The following RBPJ variants were observed in gnomAD, a reference collection of about 807,000 sequenced individuals.
RBPJ encodes recombination signal binding protein for immunoglobulin kappa J region, also known as recombining binding protein suppressor of hairless.
A neutral mutation model predicts 67.8 loss-of-function variants in RBPJ; 9 were observed. The ratio of observed to expected loss-of-function variants is 0.13; its 90% CI spans 0.08 to 0.23. The LOEUF is 0.23. RBPJ is among the 10% of genes least tolerant of loss of function. The pLI is 1.00. For missense variants in RBPJ, 305 were observed against 595.6 expected, an observed-to-expected ratio of 0.51 and a Z score of 5.08; for synonymous variants, 198 against 203.3, an observed-to-expected ratio of 0.97 and a Z score of 0.22.
chr4:26,400,255 C>T (rs188336950), intron 2 of RBPJ, among the ~76,000 whole-genome samples: 1 of 152,262 alleles, frequency 6.6e-6, no homozygotes, highest in East Asian at 1.9e-4. Flanking sequence ...CATCTCACTC[C>T]ATCCTCTTTC....
the RBPJ span, among the ~76,000 whole-genome samples, chr4:26,141,074 C>T: frequency 9.9e-5 from 15 of 152,054 alleles, no homozygotes; most frequent in African/African-American, 3.1e-4. Context: ...TGACCCAGGG[C>T]AACTCCCTTT....
the RBPJ span, chr4:26,113,564 C>A: frequency 4.3e-6 from 2 of 468,398 alleles, no homozygotes; most frequent in African/African-American, 2.0e-5. Flanking sequence ...TCACGCAGGG[C>A]AGAAGCCCTA....
intron 1 of RBPJ, among the ~76,000 whole-genome samples, chr4:26,329,687 A>G (rs182649459): frequency 0.014 from 2,198 of 152,066 alleles, 38 homozygotes; most frequent in Middle Eastern, 0.051. Flanking sequence ...GAGGTCAGGA[A>G]ATCGAGACCA....
chr4:26,217,513 C>T (rs922242294), intron 1 of RBPJ, among the ~76,000 whole-genome samples: 21 of 152,140 alleles, frequency 1.4e-4, no homozygotes, highest in African/African-American at 5.1e-4. Context: ...TGCAAGCAGA[C>T]CCCGAAAGCC....
intron 1 of RBPJ, among the ~76,000 whole-genome samples, chr4:26,204,909 C>T (rs1718117059): frequency 6.6e-6 from 1 of 152,214 alleles, no homozygotes; most frequent in African/African-American, 2.4e-5. Context: ...GTCTCACCCC[C>T]TGCACTCATT....
chr4:26,398,081 T>A (rs540559863), intron 2 of RBPJ, among the ~76,000 whole-genome samples: 364 of 152,272 alleles, frequency 2.4e-3, no homozygotes, highest in Middle Eastern at 0.01. Context: ...TGTGTGTGTG[T>A]GTGTGTGTGT....
chr4:26,332,063 G>T (rs571770297), intron 1 of RBPJ, among the ~76,000 whole-genome samples: 6 of 152,274 alleles, frequency 3.9e-5, no homozygotes, highest in African/African-American at 1.2e-4. Flanking sequence ...TGTCATCCAT[G>T]CTTATCCACA....
intron 1 of RBPJ, among the ~76,000 whole-genome samples, chr4:26,375,579 A>G: frequency 6.6e-6 from 1 of 152,228 alleles, no homozygotes; most frequent in East Asian, 1.9e-4. Flanking sequence ...TTTAGGTGAA[A>G]TAGGCAAAAG....
intron 1 of RBPJ, among the ~76,000 whole-genome samples, chr4:26,284,776 T>C (rs1721405897): frequency 6.6e-6 from 1 of 152,108 alleles, no homozygotes; most frequent in Non-Finnish European, 1.5e-5. Context: ...CTGAACTCTT[T>C]TTAAAGTCTT....
intron 1 of RBPJ, among the ~76,000 whole-genome samples, chr4:26,383,608 G>A (rs972036422): frequency 6.6e-6 from 1 of 152,118 alleles, no homozygotes; most frequent in Admixed American, 6.5e-5. Context: ...ATCTAAAGAA[G>A]TATTTTAAAG....
At chr4:26,306,438 A>AATTATTACTATT (rs1722241104) in intron 1 of RBPJ, among the ~76,000 whole-genome samples, 1 of 147,164 alleles carries the variant, frequency 6.8e-6, no homozygotes, top group African/African-American at 2.5e-5. Flanking sequence ...TTATTTGGAG[A>AATTATTACTATT]ATTATTATTA....
rs768333246 is a variant in RBPJ, at chr4:26,430,471, C to T, written c.1097C>T (p.Thr366Ile). ...CTTGAACTTACAGGACAGAATTTCA[C>T]TCCAAATTTACGAGTGTGGTTTGGG... ...AMLELTGQNF[T>I]PNLRVWFGDV... The change falls in exon 10 of 11, where the codon ACT becomes ATT. Residue 366 changes from threonine (T) to isoleucine (I), a missense_variant. Physicochemically the swap from Thr to Ile is moderately conservative, Grantham distance 89. Transcript: ENST00000355476. The surrounding 1 kb of genome is among the most constrained non-coding windows in gnomAD (Gnocchi z 4.1). 4 of 1,608,172 alleles carry T rather than the reference C, an allele frequency of 2.5e-6. No homozygotes were observed. In the South Asian group the frequency reaches 3.4e-5, roughly 14 times the overall value.
At chr4:26,242,756 CTTGA>C (rs951467025) in intron 1 of RBPJ, among the ~76,000 whole-genome samples, 26 of 149,136 alleles carry the variant, frequency 1.7e-4, no homozygotes, top group African/African-American at 6.4e-4. Context: ...TAAGAGTCTC[CTTGA>C]TTGAAGTGGT....
At chr4:26,157,007 C>T in the RBPJ span, among the ~76,000 whole-genome samples, 127,373 of 150,144 alleles carry the variant, frequency 0.85, 54,930 homozygotes, top group East Asian at 0.96. Flanking sequence ...CCCAGGGAGA[C>T]TGAGGCTGTG....
chr4:26,391,388 AT>A (rs1055257494), intron 2 of RBPJ, among the ~76,000 whole-genome samples: 24 of 151,862 alleles, frequency 1.6e-4, no homozygotes, highest in Non-Finnish European at 3.1e-4. Flanking sequence ...ATTTAGCTAG[AT>A]TTTTTTTTAA....
At chr4:26,390,741 C>A (rs1201192075) in intron 2 of RBPJ, among the ~76,000 whole-genome samples, 1 of 152,186 alleles carries the variant, frequency 6.6e-6, no homozygotes, top group Non-Finnish European at 1.5e-5. Context: ...ATTAAATGTT[C>A]TTCAGGTAGA....
chr4:26,261,483 A>G (rs1006000233), intron 1 of RBPJ, among the ~76,000 whole-genome samples: 19 of 152,246 alleles, frequency 1.2e-4, no homozygotes, highest in Non-Finnish European at 2.4e-4. Context: ...AAGAGAACTG[A>G]GAAAAGTAAA....
the RBPJ span, among the ~76,000 whole-genome samples, chr4:26,111,534 T>C: frequency 6.6e-6 from 1 of 152,196 alleles, no homozygotes; most frequent in African/African-American, 2.4e-5. Flanking sequence ...TGGCTGGCTT[T>C]TGGGGCTTTG....
At chr4:26,126,363 G>A in the RBPJ span, among the ~76,000 whole-genome samples, 1 of 152,168 alleles carries the variant, frequency 6.6e-6, no homozygotes, top group Non-Finnish European at 1.5e-5. Context: ...CCTTTTCGGG[G>A]AATCCCCCAT....
Sources: allele counts gnomAD v4.1 joint callset (sites outside exome capture counted in the v4.1 genomes callset), GRCh38; gene constraint gnomAD v4.1.1; non-coding constraint Gnocchi (gnomAD v3.1); transcripts MANE v1.5; gene names NCBI Gene and HGNC (gene_info 2026-07-23, HGNC 2026-07-21).